ANKRD26: variants seen among roughly 807,000 people sequenced by gnomAD.
ANKRD26 encodes the protein ankyrin repeat domain 26.
A neutral mutation model predicts 208.7 loss-of-function variants in ANKRD26; 141 were observed. The ratio of observed to expected loss-of-function variants is 0.68; its 90% CI spans 0.59 to 0.78. The LOEUF is 0.78. Ranked by LOEUF, ANKRD26 falls within the 30% of genes least tolerant of loss-of-function variation. ANKRD26 has a pLI of 0.00. For synonymous variants in ANKRD26, 636 were observed against 660.4 expected (o/e 0.96, Z 0.57); for missense variants, 1,889 against 1,938.7 (o/e 0.97, Z 0.48).
At chr10:27,039,395 A>G (rs1039975473) in intron 21 of ANKRD26, among the ~76,000 whole-genome samples, 1 of 151,794 alleles carries the variant, frequency 6.6e-6, no homozygotes, top group East Asian at 1.9e-4. Context: ...CGGAGGTTAC[A>G]GTGAGCCAAG....
chr10:27,031,539 G>A (rs1200238596), intron 25 of ANKRD26, among the ~76,000 whole-genome samples: 2 of 152,124 alleles, frequency 1.3e-5, no homozygotes, highest in African/African-American at 4.8e-5. Context: ...GAAGGTGGAG[G>A]GACATGGACA....
At chr10:26,966,977 T>C in the ANKRD26 span, among the ~76,000 whole-genome samples, 7 of 152,220 alleles carry the variant, frequency 4.6e-5, no homozygotes, top group Non-Finnish European at 7.3e-5. Context: ...TAAAAACATA[T>C]TAAGATATCC....
intron 9 of ANKRD26, among the ~76,000 whole-genome samples, chr10:27,069,897 C>T (rs959120188): frequency 2.6e-5 from 4 of 152,056 alleles, no homozygotes; most frequent in Non-Finnish European, 5.9e-5. Context: ...GTTGGAGGAT[C>T]ACTTAAGCCC....
At chr10:27,092,207 T>G (rs952795231) in intron 4 of ANKRD26, among the ~76,000 whole-genome samples, 199 bp downstream of exon 4, 7 of 152,184 alleles carry the variant, frequency 4.6e-5, no homozygotes, top group African/African-American at 1.7e-4. Context: ...TTTGTGTTGC[T>G]ATTTGTCACT....
In ANKRD26 at chr10:27,037,613, A is replaced by C. The variant is rs114753931; in HGVS notation, c.2559+258T>G. Among the ~76,000 whole-genome samples, 410 of 152,316 alleles carry C rather than the reference A, an allele frequency of 2.7e-3. 2 individuals are homozygous for C. Among genetic ancestry groups the C allele is most frequent in the African/African-American group, 9.1e-3 (377 of 41,566 alleles). ...TTTAGAGCTATTTAGCCTGTATTTT[A>C]ACATTAAATGCCTAAATTAACATTT... On this transcript the variant is annotated intron_variant, in intron 22 of 33. Coordinates refer to ENST00000376087, the MANE Select transcript of ANKRD26 (RefSeq NM_014915.3).
At chr10:26,992,411 T>A (rs773727157) in intron 5 of ANKRD26, among the ~76,000 whole-genome samples, 1 of 151,520 alleles carries the variant, frequency 6.6e-6, no homozygotes, top group Non-Finnish European at 1.5e-5. Context: ...ATTCCTAAGG[T>A]CATGTTTCAT....
chr10:27,086,055 G>A (rs2056104177), intron 5 of ANKRD26, among the ~76,000 whole-genome samples: 1 of 151,998 alleles, frequency 6.6e-6, no homozygotes, highest in Non-Finnish European at 1.5e-5. Flanking sequence ...TAAGTTTTGG[G>A]GGACTTGAAA....
At position 27,100,316 on chromosome 10, in the gene ANKRD26, A is replaced by G; in HGVS notation, c.11T>C (p.Ile4Thr). 3 of 1,608,108 alleles carry G rather than the reference A, an allele frequency of 1.9e-6. No individual in the cohort carries two copies. Among genetic ancestry groups the G allele is most frequent in the Non-Finnish European group, 2.5e-6 (3 of 1,179,762 alleles). ...GGGCGACTCGCCCTTCTTACTAAAA[A>G]TCTTCTTCATGGCCCAGGCGACCGG... The part of the protein sequence containing the change: MKK[I>T]FSKKGESPLG... Residue 4 changes from isoleucine to threonine, a missense_variant, in exon 1 of 34, where the codon ATT (isoleucine) becomes ACT (threonine). Around this residue, in one of 3 missense-constraint regions of ANKRD26, gnomAD observed 1,272 missense variants for 1,273.8 expected, o/e 1.00. Coordinates refer to ENST00000376087, the MANE Select transcript of ANKRD26 (RefSeq NM_014915.3).
At chr10:27,032,635 C>CAAAAAA (rs68062291) in intron 25 of ANKRD26, among the ~76,000 whole-genome samples, 2 of 135,866 alleles carry the variant, frequency 1.5e-5, no homozygotes, top group African/African-American at 2.8e-5. Context: ...GACTCTGTCT[C>CAAAAAA]AAAAAAAAAA....
Position 27,086,548 on chromosome 10 carries a change from T to C in ANKRD26, c.700A>G (p.Ser234Gly), listed in dbSNP as rs2056122670. The C allele has an allele frequency of 3.1e-6, 5 of 1,605,960 alleles. No homozygotes were observed. The highest frequency in any genetic ancestry group is 4.3e-6 in the Non-Finnish European group (5 of 1,175,028). The change falls in exon 5 of 34, where the codon AGT becomes GGT. Residue 234 changes from serine to glycine, a missense_variant. By Grantham distance (56) the Ser-to-Gly change is moderately conservative. Around this residue, in one of 3 missense-constraint regions of ANKRD26, gnomAD observed 1,272 missense variants for 1,273.8 expected, o/e 1.00. Transcript: ENST00000376087. ...ERIPKHSSQNSNSVDESSEDS... is the reference protein window; with the variant it reads ...ERIPKHSSQNGNSVDESSEDS... ...CTATTGGAAGTCTTACCTGAATTAC[T>C]ATTTTGAGAAGAATGTTTAGGTATC...
At chr10:27,006,991 G>GT (rs1564348588) in intron 32 of ANKRD26, 29 bp from the exon 33 acceptor site, 4 of 1,522,176 alleles carry the variant, frequency 2.6e-6, no homozygotes, top group Non-Finnish European at 3.6e-6. Context: ...TATTTATAAT[G>GT]TTTAAGTTAG....
intron 28 of ANKRD26, among the ~76,000 whole-genome samples, chr10:27,023,659 G>A (rs1280233431): frequency 6.6e-6 from 1 of 152,114 alleles, no homozygotes; most frequent in East Asian, 1.9e-4. Flanking sequence ...CGTTAACAAA[G>A]TAAAAGGGAT....
downstream of ANKRD26, among the ~76,000 whole-genome samples, chr10:27,000,898 C>T (rs1398782167): frequency 6.6e-6 from 1 of 152,104 alleles, no homozygotes; most frequent in African/African-American, 2.4e-5. Context: ...ATCCCAGCTA[C>T]TGGGGAGGCT....
intron 11 of ANKRD26, among the ~76,000 whole-genome samples, chr10:27,065,255 G>A (rs192950265): frequency 6.6e-6 from 1 of 152,202 alleles, no homozygotes; most frequent in Admixed American, 6.5e-5. Context: ...AAGTGTTTGT[G>A]GTTTACTTGT....
At chr10:26,992,505 C>CAG (rs1186433470) in intron 5 of ANKRD26, among the ~76,000 whole-genome samples, 16 of 136,114 alleles carry the variant, frequency 1.2e-4, no homozygotes, top group African/African-American at 4.2e-4. Context: ...CACACACACA[C>CAG]ACAGAGAGAA....
exon 6 of ANKRD26, among the ~76,000 whole-genome samples, chr10:26,974,803 C>T (rs1178810001): frequency 6.6e-6 from 1 of 152,212 alleles, no homozygotes; most frequent in East Asian, 1.9e-4. Context: ...GAGAATTCTT[C>T]GCTCTCAGCG....
intron 5 of ANKRD26, among the ~76,000 whole-genome samples, chr10:27,084,891 T>C (rs912502649): frequency 6.7e-6 from 1 of 149,794 alleles, no homozygotes; most frequent in Non-Finnish European, 1.5e-5. Flanking sequence ...AAAAAAAAAA[T>C]TTCTGTACTT....
chr10:27,012,823 C>CA, intron 32 of ANKRD26, 59 bp downstream of exon 32: 3 of 1,536,882 alleles, frequency 2.0e-6, no homozygotes, highest in Non-Finnish European at 2.7e-6. Flanking sequence ...AAAAAACAAA[C>CA]AAAAAAAGAA....
At chr10:27,057,974 G>A (rs1445013066) in intron 15 of ANKRD26, among the ~76,000 whole-genome samples, 1 of 151,630 alleles carries the variant, frequency 6.6e-6, no homozygotes, top group Non-Finnish European at 1.5e-5. Flanking sequence ...AACAATGATG[G>A]CCTTAAGTGA....
Sources: allele counts gnomAD v4.1 joint callset (sites outside exome capture counted in the v4.1 genomes callset), GRCh38; gene constraint gnomAD v4.1.1; regional missense constraint gnomAD v4.1.1; transcripts MANE v1.5; gene names NCBI Gene and HGNC (gene_info 2026-07-23, HGNC 2026-07-21).